Variants in LHFPL6 observed in about 807,000 individuals in gnomAD.
LHFPL6 encodes the protein LHFPL tetraspan subfamily member 6 protein.
A neutral mutation model predicts 20.6 loss-of-function variants in LHFPL6; 9 were observed. The observed-to-expected ratio is 0.44, with a 90% confidence interval of 0.26 to 0.76. The LOEUF is 0.76. LHFPL6 is among the 30% of genes least tolerant of loss of function. The pLI is 0.20. For synonymous variants in LHFPL6, 105 were observed against 98.7 expected (o/e 1.06, Z -0.38); for missense variants, 218 against 253.5 (o/e 0.86, Z 0.95).
intron 2 of LHFPL6, among the ~76,000 whole-genome samples, chr13:39,397,810 G>C (rs1222951962): frequency 6.6e-6 from 1 of 152,056 alleles, no homozygotes; most frequent in Admixed American, 6.6e-5. Flanking sequence ...TTGTTGGAAA[G>C]GGGGGGTTAC....
At chr13:39,373,039 G>A (rs1448311498) in intron 3 of LHFPL6, among the ~76,000 whole-genome samples, 1 of 152,122 alleles carries the variant, frequency 6.6e-6, no homozygotes, top group Non-Finnish European at 1.5e-5. Flanking sequence ...GCCTACAAGG[G>A]CTGAGAGCTC....
rs149547378 is a variant in LHFPL6, at chr13:39,515,296, T to C, written c.385+85536A>G. Among the ~76,000 whole-genome samples the C allele has an allele frequency of 4.5e-3, 688 of 152,318 alleles. 5 individuals are homozygous for C. Among genetic ancestry groups the C allele is most frequent in the Middle Eastern group, 0.031 (9 of 294 alleles). On this transcript the variant is annotated intron_variant, in intron 2 of 3. Coordinates refer to ENST00000379589, the MANE Select transcript of LHFPL6 (RefSeq NM_005780.3). ...TCTGCAGCTACTTCAGGTTTGCCAC[T>C]TTCCCATCAAGGGTTGAGGATTTTT...
At chr13:39,579,794 A>G (rs1277030363) in intron 2 of LHFPL6, among the ~76,000 whole-genome samples, 3 of 152,182 alleles carry the variant, frequency 2.0e-5, no homozygotes, top group Non-Finnish European at 4.4e-5. Context: ...TAGAATAACG[A>G]TCTAGCAATA....
intron 2 of LHFPL6, among the ~76,000 whole-genome samples, chr13:39,595,365 T>C (rs186458422): frequency 5.2e-4 from 79 of 152,274 alleles, no homozygotes; most frequent in African/African-American, 1.8e-3. Flanking sequence ...CAATCTCGGC[T>C]CACTGCAATC....
chr13:39,359,818 T>C (rs907571792), intron 3 of LHFPL6, among the ~76,000 whole-genome samples: 1 of 152,214 alleles, frequency 6.6e-6, no homozygotes, highest in African/African-American at 2.4e-5. Flanking sequence ...CTCTGCTCTC[T>C]AATGTGACTC....
intron 2 of LHFPL6, among the ~76,000 whole-genome samples, chr13:39,505,027 A>G (rs996876065): frequency 6.6e-6 from 1 of 152,200 alleles, no homozygotes; most frequent in Non-Finnish European, 1.5e-5. Context: ...AAGGACTTGT[A>G]TGTTCCCCCA....
At chr13:39,537,992 C>CTTTT in intron 2 of LHFPL6, among the ~76,000 whole-genome samples, 1 of 43,544 alleles carries the variant, frequency 2.3e-5, no homozygotes, top group Non-Finnish European at 6.8e-5. Context: ...TTCTTTCTTT[C>CTTTT]TTTTTTTTTT....
chr13:39,533,368 G>C (rs1566134873), intron 2 of LHFPL6, among the ~76,000 whole-genome samples: 1 of 152,152 alleles, frequency 6.6e-6, no homozygotes, highest in Non-Finnish European at 1.5e-5. Context: ...CTTCCCTCTT[G>C]AATCCAAGAT....
chr13:39,436,976 C>A (rs1401055545), intron 2 of LHFPL6, among the ~76,000 whole-genome samples: 1 of 152,136 alleles, frequency 6.6e-6, no homozygotes, highest in Non-Finnish European at 1.5e-5. Flanking sequence ...CTCTAAATCC[C>A]CAGATATATT....
chr13:39,457,052 G>A (rs1240905438), intron 2 of LHFPL6, among the ~76,000 whole-genome samples: 3 of 151,964 alleles, frequency 2.0e-5, no homozygotes, highest in Non-Finnish European at 1.5e-5. Flanking sequence ...CGCCAGCCTC[G>A]GCCTCCAAAA....
In LHFPL6 at chr13:39,424,117, A is replaced by G. The variant is rs1243365616; in HGVS notation, c.386-45591T>C. Among the ~76,000 whole-genome samples the G allele has an allele frequency of 3.3e-5, 5 of 152,246 alleles. No homozygotes were observed. In the East Asian group the frequency reaches 7.7e-4, roughly 23 times the overall value. ...TATTATATATTTTTAAAGAGCACATACAAAATAGTTATAGAAAATTATCGT... is the reference window on the plus strand; with the variant it reads ...TATTATATATTTTTAAAGAGCACATGCAAAATAGTTATAGAAAATTATCGT... On this transcript the variant is annotated intron_variant, in intron 2 of 3. Transcript: ENST00000379589.
At position 39,427,244 on chromosome 13, in the gene LHFPL6, T is replaced by C. The variant is rs550492902; in HGVS notation, c.386-48718A>G. On this transcript the variant is annotated intron_variant, in intron 2 of 3. Coordinates refer to ENST00000379589, the MANE Select transcript of LHFPL6 (RefSeq NM_005780.3). ...ATGGCATCTGAGAATAAAAATAGTT[T>C]GCCTTTCTAATCTGGGTTTGTCTTC... Among the ~76,000 whole-genome samples the C allele has an allele frequency of 3.3e-5, 5 of 152,354 alleles. No homozygotes were observed. In the South Asian group the frequency reaches 1.0e-3, roughly 32 times the overall value.
Position 39,550,198 on chromosome 13 carries a change from G to A in LHFPL6, c.385+50634C>T, listed in dbSNP as rs148043180. ...CATATTGCATGATTCCATTTATATG[G>A]CTTTCTGGAAAAGGGAAAACTATAG... On this transcript the variant is annotated intron_variant, in intron 2 of 3. Transcript: ENST00000379589. Among the ~76,000 whole-genome samples, 98 of 152,116 alleles carry A rather than the reference G, an allele frequency of 6.4e-4. 1 individual carries two copies. The highest frequency in any genetic ancestry group is 2.3e-3 in the African/African-American group (97 of 41,460).
intron 2 of LHFPL6, among the ~76,000 whole-genome samples, chr13:39,564,928 G>A (rs948483532): frequency 3.3e-5 from 5 of 152,082 alleles, no homozygotes; most frequent in African/African-American, 7.2e-5. Context: ...AGTGGACATC[G>A]TTCAATAAGA....
At chr13:39,507,730 A>C (rs1869534888) in intron 2 of LHFPL6, among the ~76,000 whole-genome samples, 1 of 152,174 alleles carries the variant, frequency 6.6e-6, no homozygotes, top group Non-Finnish European at 1.5e-5. Flanking sequence ...TTTTACCTAC[A>C]GTATCTGAGT....
chr13:39,422,602 A>AAAAAAAAAAAAAAAAAAGAAG (rs1555261778), intron 2 of LHFPL6, among the ~76,000 whole-genome samples: 1 of 114,302 alleles, frequency 8.7e-6, no homozygotes, highest in Non-Finnish European at 1.8e-5. Context: ...AAAAAAAAAA[A>AAAAAAAAAAAAAAAAAAGAAG]AAGAAGAAGA....
intron 2 of LHFPL6, among the ~76,000 whole-genome samples, chr13:39,412,056 T>C (rs1871250520): frequency 1.3e-5 from 2 of 152,238 alleles, no homozygotes; most frequent in South Asian, 2.1e-4. Context: ...AATCATCATA[T>C]GGAAGCTGAC....
chr13:39,597,903 T>C (rs1264215426), intron 2 of LHFPL6, among the ~76,000 whole-genome samples: 1 of 152,274 alleles, frequency 6.6e-6, no homozygotes, highest in Non-Finnish European at 1.5e-5. Flanking sequence ...GGGGTTTTAC[T>C]GCCTGATGTT....
intron 3 of LHFPL6, among the ~76,000 whole-genome samples, chr13:39,344,876 T>C (rs1050307738): frequency 2.6e-5 from 4 of 152,236 alleles, no homozygotes; most frequent in Non-Finnish European, 2.9e-5. Context: ...TGGAATAAAG[T>C]GAGCCAGGGC....
Sources: gnomAD v4.1 joint callset for allele counts (sites outside exome capture counted in the v4.1 genomes callset) on GRCh38, gnomAD v4.1.1 for gene constraint, MANE v1.5 for transcripts, NCBI Gene and HGNC (gene_info 2026-07-23, HGNC 2026-07-21) for gene names.